CCDC91: variants seen among roughly 807,000 people sequenced by gnomAD.
CCDC91 encodes coiled-coil domain containing 91.
CCDC91 carries 48 observed loss-of-function variants against 63.2 expected under a neutral mutation model. The observed-to-expected ratio is 0.76, with a 90% CI of 0.60 to 0.97. The LOEUF is 0.97. CCDC91 is among the 50% of genes least tolerant of loss of function. CCDC91 has a pLI of 0.00. For missense variants in CCDC91, 500 were observed against 494.6 expected (o/e 1.01, Z -0.10); for synonymous variants, 167 against 165.8 (o/e 1.01, Z -0.06).
intron 6 of CCDC91, among the ~76,000 whole-genome samples, chr12:28,347,920 G>C (rs1398735371): frequency 6.6e-6 from 1 of 152,184 alleles, no homozygotes. Context: ...CACTCCTTTA[G>C]TCCCACTTAT....
At chr12:28,450,117 C>T (rs1949726764) in intron 8 of CCDC91, 44 bp from the exon 9 acceptor site, 5 of 1,074,732 alleles carry the variant, frequency 4.7e-6, no homozygotes, top group Non-Finnish European at 4.1e-6. Flanking sequence ...TTGACAGATA[C>T]CTGTCTCAGA....
At position 28,237,063 on chromosome 12, in the gene CCDC91, G is replaced by A. The variant is rs375742978; in HGVS notation, c.-14-20139G>A. The stretch of plus-strand genomic sequence containing the variant: ...TACAAGTAAGGTAGTGTATGCTAAT[G>A]AAAATGGAAAATAGATCACTAAAAT... On this transcript the variant is annotated intron_variant, in intron 1 of 12. Coordinates refer to ENST00000536442, the MANE Select transcript of CCDC91 (RefSeq NM_018318.5). Among the ~76,000 whole-genome samples the A allele has an allele frequency of 4.6e-5, 7 of 151,964 alleles. No homozygotes were observed. The East Asian group carries it at 7.7e-4, about 17-fold the overall frequency.
intron 12 of CCDC91, among the ~76,000 whole-genome samples, chr12:28,527,844 C>T (rs562019093): frequency 6.6e-6 from 1 of 152,190 alleles, no homozygotes; most frequent in Non-Finnish European, 1.5e-5. Context: ...TTATGGCTGC[C>T]TCTGTTGTGT....
intron 3 of CCDC91, among the ~76,000 whole-genome samples, chr12:28,304,389 A>AG (rs1938447624): frequency 2.5e-5 from 1 of 39,776 alleles, no homozygotes; most frequent in Non-Finnish European, 6.3e-5. Context: ...AAAAAAAAAA[A>AG]AAAAAAAAAA....
intron 12 of CCDC91, among the ~76,000 whole-genome samples, chr12:28,537,096 TG>T (rs1330007992): frequency 6.6e-6 from 1 of 152,206 alleles, no homozygotes; most frequent in Non-Finnish European, 1.5e-5. Context: ...TTTGTTGTTG[TG>T]GCAACATTTC....
At chr12:28,218,942 A>G (rs1023637229) in intron 1 of CCDC91, among the ~76,000 whole-genome samples, 1 of 152,088 alleles carries the variant, frequency 6.6e-6, no homozygotes, top group African/African-American at 2.4e-5. Context: ...TTATGTGGAC[A>G]TATGTTTTCT....
At chr12:28,448,963 A>G (rs1266892896) in intron 8 of CCDC91, among the ~76,000 whole-genome samples, 1 of 152,006 alleles carries the variant, frequency 6.6e-6, no homozygotes, top group Non-Finnish European at 1.5e-5. Context: ...CTTATACGTT[A>G]ATTATGTGGT....
intron 12 of CCDC91, among the ~76,000 whole-genome samples, chr12:28,524,698 G>A (rs1941097213): frequency 6.6e-6 from 1 of 151,892 alleles, no homozygotes; most frequent in South Asian, 2.1e-4. Flanking sequence ...TTTAATGTCT[G>A]GTATAAAGCT....
chr12:28,198,437 G>A (rs1231777168), intron 1 of CCDC91, among the ~76,000 whole-genome samples: 1 of 152,106 alleles, frequency 6.6e-6, no homozygotes, highest in Non-Finnish European at 1.5e-5. Context: ...TTTTAATTAC[G>A]AATTTTATAC....
At chr12:28,332,192 A>T (rs1460121772) in intron 6 of CCDC91, among the ~76,000 whole-genome samples, 1 of 152,176 alleles carries the variant, frequency 6.6e-6, no homozygotes, top group Admixed American at 6.5e-5. Flanking sequence ...CTGACATAGG[A>T]ACAGGTAAAT....
intron 3 of CCDC91, among the ~76,000 whole-genome samples, chr12:28,279,517 C>G (rs1032297369): frequency 1.3e-5 from 2 of 152,084 alleles, no homozygotes; most frequent in African/African-American, 4.8e-5. Context: ...CATTTCCTGA[C>G]CCTGGGAAGG....
At chr12:28,381,087 G>A (rs1204349535) in intron 7 of CCDC91, among the ~76,000 whole-genome samples, 1 of 152,056 alleles carries the variant, frequency 6.6e-6, no homozygotes, top group Non-Finnish European at 1.5e-5. Context: ...GTTTACTTTT[G>A]ATTTTTAAAT....
chr12:28,515,240 T>C lies in CCDC91; in HGVS notation c.1215+31075T>C, dbSNP rs1939818585. Among the ~76,000 whole-genome samples, 4 of 152,006 alleles carry C rather than the reference T, an allele frequency of 2.6e-5. No homozygotes were observed. The South Asian group carries it at 8.3e-4, about 32-fold the overall frequency. On this transcript the variant is annotated intron_variant, in intron 12 of 12. Transcript: ENST00000536442. ...GGGGACTTCGGCAGGGAAAAATTTTTGAAAGGCTAAAAATGACTGGAGAAG... is the reference window on the plus strand; with the variant it reads ...GGGGACTTCGGCAGGGAAAAATTTTCGAAAGGCTAAAAATGACTGGAGAAG...
At chr12:28,268,450 C>T (rs1278868322) in intron 3 of CCDC91, among the ~76,000 whole-genome samples, 1 of 152,078 alleles carries the variant, frequency 6.6e-6, no homozygotes, top group East Asian at 1.9e-4. Flanking sequence ...ATCTCATGAC[C>T]ATCTGTACTG....
At chr12:28,471,561 A>G (rs1212869174) in intron 11 of CCDC91, among the ~76,000 whole-genome samples, 5 of 152,182 alleles carry the variant, frequency 3.3e-5, no homozygotes, top group Non-Finnish European at 7.3e-5. Flanking sequence ...TAACAGACCC[A>G]GAGAACAACC....
At chr12:28,528,245 G>A (rs1941441785) in intron 12 of CCDC91, among the ~76,000 whole-genome samples, 1 of 152,008 alleles carries the variant, frequency 6.6e-6, no homozygotes, top group Admixed American at 6.5e-5. Context: ...AAAATGCCTT[G>A]CTAGGGGACC....
At chr12:28,271,674 T>C (rs1947775141) in intron 3 of CCDC91, among the ~76,000 whole-genome samples, 2 of 151,948 alleles carry the variant, frequency 1.3e-5, no homozygotes, top group Admixed American at 6.6e-5. Flanking sequence ...GCTTCTTTTC[T>C]TTCCGTAGTA....
At chr12:28,207,690 A>G (rs561013088) in intron 1 of CCDC91, among the ~76,000 whole-genome samples, 2 of 152,248 alleles carry the variant, frequency 1.3e-5, no homozygotes, top group East Asian at 1.9e-4. Context: ...GTTATAAACT[A>G]TTTTCACAAT....
intron 3 of CCDC91, among the ~76,000 whole-genome samples, chr12:28,260,024 G>A (rs1319170352): frequency 6.6e-6 from 1 of 151,884 alleles, no homozygotes; most frequent in Non-Finnish European, 1.5e-5. Context: ...TTCTTCAACA[G>A]CTCTGCCTAG....
Sources: allele counts gnomAD v4.1 joint callset (sites outside exome capture counted in the v4.1 genomes callset), GRCh38; gene constraint gnomAD v4.1.1; transcripts MANE v1.5; gene names NCBI Gene and HGNC (gene_info 2026-07-23, HGNC 2026-07-21).